ROPN1: variants seen among roughly 807,000 people sequenced by gnomAD.
ROPN1 encodes ropporin-1A.
In ROPN1, 14 loss-of-function variants were observed where a neutral mutation model predicts 20.5. The observed-to-expected ratio is 0.68, with a 90% CI of 0.45 to 1.07. ROPN1 has a LOEUF of 1.07. Ranked by LOEUF, ROPN1 falls within the 50% of genes least tolerant of loss-of-function variation. ROPN1 has a pLI of 0.00. For missense variants in ROPN1, 169 were observed against 242.8 expected, an observed-to-expected ratio of 0.70 and a Z score of 2.02; for synonymous variants, 76 against 95.7, an observed-to-expected ratio of 0.79 and a Z score of 1.20.
At chr3:123,990,646 A>T (rs147053502) in intron 1 of ROPN1, among the ~76,000 whole-genome samples, 33 of 152,340 alleles carry the variant, frequency 2.2e-4, no homozygotes, top group Admixed American at 4.6e-4. Flanking sequence ...CAATTCTAAC[A>T]TTTTGTAAAG....
Position 123,989,246 on chromosome 3 carries a change from C to T in ROPN1, c.-13+2676G>A, listed in dbSNP as rs79508706. On this transcript the variant is annotated intron_variant, in intron 1 of 5. Transcript: ENST00000405845. ...AGTGGACAAAGCAGGAGTGGTTGGGCCTAAGGCTGGAAATATAGCTCAAGG... is the reference window on the plus strand; with the variant it reads ...AGTGGACAAAGCAGGAGTGGTTGGGTCTAAGGCTGGAAATATAGCTCAAGG... Among the ~76,000 whole-genome samples, 438 of 152,206 alleles carry T rather than the reference C, an allele frequency of 2.9e-3. 1 individual carries two copies. The highest frequency in any genetic ancestry group is 0.01 in the African/African-American group (419 of 41,514).
At chr3:123,988,596 G>A (rs931928520) in intron 1 of ROPN1, among the ~76,000 whole-genome samples, 6 of 152,066 alleles carry the variant, frequency 3.9e-5, no homozygotes, top group East Asian at 1.9e-4. Context: ...GCTATCCTTC[G>A]TAGCTAGTTG....
intron 1 of ROPN1, among the ~76,000 whole-genome samples, chr3:123,987,326 G>A (rs1468093470): frequency 6.6e-6 from 1 of 152,160 alleles, no homozygotes; most frequent in African/African-American, 2.4e-5. Flanking sequence ...TAGCCTGTAT[G>A]GGGTTCCCAG....
intron 4 of ROPN1, among the ~76,000 whole-genome samples, chr3:123,973,701 G>A (rs2148991495): frequency 6.6e-6 from 1 of 152,308 alleles, no homozygotes; most frequent in East Asian, 1.9e-4. Context: ...ACACACTGGT[G>A]AGGGTCTGTG....
intron 1 of ROPN1, among the ~76,000 whole-genome samples, chr3:123,987,575 C>A (rs1313257446): frequency 6.6e-6 from 1 of 152,218 alleles, no homozygotes; most frequent in Non-Finnish European, 1.5e-5. Flanking sequence ...AAATTATGCC[C>A]TGTCTGACTT....
intron 1 of ROPN1, among the ~76,000 whole-genome samples, chr3:123,981,022 A>G (rs73857582): frequency 0.084 from 12,821 of 152,170 alleles, 1,331 homozygotes; most frequent in East Asian, 0.42. Context: ...GTCTCTCTTT[A>G]CAGCTGCATG....
At chr3:123,980,028 C>A in intron 2 of ROPN1, 1 of 500,692 alleles carries the variant, frequency 2.0e-6, no homozygotes, top group Non-Finnish European at 3.5e-6. Flanking sequence ...GCCCTTCTTT[C>A]CACCGGGAGT....
chr3:123,986,995 G>A (rs4499545), intron 1 of ROPN1, among the ~76,000 whole-genome samples: 27,185 of 152,218 alleles, frequency 0.18, 2,431 homozygotes, highest in Middle Eastern at 0.25. Context: ...GAACAAGACC[G>A]CCCTGCAGAG....
At chr3:123,986,161 T>C (rs904107188) in intron 1 of ROPN1, among the ~76,000 whole-genome samples, 5 of 151,290 alleles carry the variant, frequency 3.3e-5, no homozygotes, top group Non-Finnish European at 7.4e-5. Flanking sequence ...TCATGTGATT[T>C]ATTTAAAAAT....
intron 2 of ROPN1, among the ~76,000 whole-genome samples, chr3:123,978,303 G>T (rs1372235027): frequency 2.6e-5 from 4 of 152,210 alleles, no homozygotes; most frequent in African/African-American, 9.7e-5. Flanking sequence ...AATAGGAGCA[G>T]GGTGTGGCCT....
intron 4 of ROPN1, 39 bp from the exon 5 acceptor site, chr3:123,970,256 C>G (rs765968064): frequency 6.4e-7 from 1 of 1,566,388 alleles, no homozygotes; most frequent in Admixed American, 1.7e-5. Context: ...AGTTACTCTT[C>G]CAGGCAATAT....
chr3:123,988,253 C>G (rs1325790853), intron 1 of ROPN1, among the ~76,000 whole-genome samples: 3 of 152,034 alleles, frequency 2.0e-5, no homozygotes, highest in Non-Finnish European at 4.4e-5. Flanking sequence ...TCAAGCAATT[C>G]TCCTGCCTCA....
chr3:123,971,981 A>G (rs1228827510), intron 4 of ROPN1, among the ~76,000 whole-genome samples: 1 of 152,224 alleles, frequency 6.6e-6, no homozygotes, highest in Non-Finnish European at 1.5e-5. Context: ...AGAGAGAGCC[A>G]CCAGACATGT....
At chr3:123,983,457 G>A (rs1238747283) in intron 1 of ROPN1, among the ~76,000 whole-genome samples, 1 of 152,152 alleles carries the variant, frequency 6.6e-6, no homozygotes. Context: ...TCGTGTAAAC[G>A]AAAAGATGCC....
intron 3 of ROPN1, among the ~76,000 whole-genome samples, chr3:123,976,511 C>A (rs2038026241): frequency 6.6e-6 from 1 of 152,188 alleles, no homozygotes; most frequent in Non-Finnish European, 1.5e-5. Flanking sequence ...ATGCCCTTCC[C>A]CAAACTGTGA....
intron 2 of ROPN1, chr3:123,979,509 G>T (rs1472401332): frequency 1.6e-5 from 6 of 378,366 alleles, no homozygotes; most frequent in African/African-American, 1.3e-4. Flanking sequence ...TGGTTCCCCA[G>T]TTTCAAGCAG....
At chr3:123,987,052 A>C (rs1195900506) in intron 1 of ROPN1, among the ~76,000 whole-genome samples, 1 of 152,228 alleles carries the variant, frequency 6.6e-6, no homozygotes, top group East Asian at 1.9e-4. Flanking sequence ...TATTGGAGCA[A>C]GTTGAGCCTA....
chr3:123,990,885 G>A (rs2038392407), intron 1 of ROPN1, among the ~76,000 whole-genome samples: 1 of 152,152 alleles, frequency 6.6e-6, no homozygotes, highest in South Asian at 2.1e-4. Context: ...GGTTTTATTG[G>A]TATGGGCTAA....
Position 123,976,958 on chromosome 3 carries a change from C to T in ROPN1, c.140G>A (p.Gly47Glu). ...CCGCTCTCTCACCGGAGGCGTCTCT[C>T]CACGGGACAGGGCCTCAAAATAACT... is the stretch of plus-strand genomic sequence containing the variant. ...AADYFEALSR[G>E]ETPPVRERSE... Residue 47 changes from glycine to glutamate, a missense_variant, in exon 3 of 6, where the codon GGA becomes GAA. Physicochemically the swap from Gly to Glu is moderately conservative, Grantham distance 98. Coordinates refer to ENST00000405845, the MANE Select transcript of ROPN1 (RefSeq NM_001317774.2). The T allele has an allele frequency of 1.9e-6, 3 of 1,614,078 alleles. No individual in the cohort carries two copies. The highest frequency in any genetic ancestry group is 2.5e-6 in the Non-Finnish European group (3 of 1,179,998).
Sources: allele counts gnomAD v4.1 joint callset (sites outside exome capture counted in the v4.1 genomes callset), GRCh38; gene constraint gnomAD v4.1.1; transcripts MANE v1.5; gene names NCBI Gene and HGNC (gene_info 2026-07-23, HGNC 2026-07-21).